The following NLRP4 variants were observed in gnomAD, a reference collection of about 807,000 sequenced individuals.
The protein encoded by NLRP4 is NACHT, LRR and PYD domains-containing protein 4.
In NLRP4, 44 loss-of-function variants were observed where a neutral mutation model predicts 84.7. That is an observed-to-expected ratio of 0.52 (90% CI 0.41 to 0.67). The LOEUF is 0.67. Ranked by LOEUF, NLRP4 falls within the 30% of genes least tolerant of loss-of-function variation. NLRP4 has a pLI of 0.00. For missense variants in NLRP4, 1,260 were observed against 1,219.4 expected (o/e 1.03, Z -0.50); for synonymous variants, 544 against 476.4 (o/e 1.14, Z -1.85).
Position 55,881,619 on chromosome 19 carries a change from C to T in NLRP4, c.*32C>T. 1 of 1,027,626 alleles carries T rather than the reference C, an allele frequency of 9.7e-7. No individual in the cohort carries two copies. Among genetic ancestry groups the T allele is most frequent in the Non-Finnish European group, 1.5e-6 (1 of 652,550 alleles). The allele number at this position is 1,027,626 out of a possible 1,614,324, so 63.7% of individuals were successfully genotyped here. ...GGAACCTGGGCTCTGACTCGAACAC[C>T]TGCAAAGGACAGGGACTGGGACCGT... is the stretch of plus-strand genomic sequence containing the variant. On this transcript the variant is annotated 3_prime_UTR_variant, in exon 10 of 10. Coordinates refer to ENST00000301295, the MANE Select transcript of NLRP4 (RefSeq NM_134444.5).
At chr19:55,865,470 G>C (rs1233931330) in intron 5 of NLRP4, among the ~76,000 whole-genome samples, 3 of 152,010 alleles carry the variant, frequency 2.0e-5, no homozygotes, top group African/African-American at 7.2e-5. Flanking sequence ...TATTCCTTTG[G>C]GTATATACCC....
intron 4 of NLRP4, among the ~76,000 whole-genome samples, 199 bp downstream of exon 4, chr19:55,861,746 G>T (rs1984765757): frequency 1.3e-5 from 2 of 152,090 alleles, no homozygotes; most frequent in Non-Finnish European, 2.9e-5. Context: ...GTGTTAAGAT[G>T]CATCCCTGGT....
chr19:55,849,850 GAGAC>G (rs1983955141), intron 1 of NLRP4, among the ~76,000 whole-genome samples: 2 of 142,998 alleles, frequency 1.4e-5, no homozygotes, highest in South Asian at 2.2e-4. Flanking sequence ...TGTAATTTCC[GAGAC>G]TGCGGTGTAA....
chr19:55,860,064 C>G (rs1229031579), intron 3 of NLRP4, among the ~76,000 whole-genome samples: 1 of 148,480 alleles, frequency 6.7e-6, no homozygotes, highest in East Asian at 2.0e-4. Context: ...TGGCTCACTG[C>G]AAGCTCCGCC....
At chr19:55,840,808 A>G (rs535272758) in intron 1 of NLRP4, among the ~76,000 whole-genome samples, 3 of 152,286 alleles carry the variant, frequency 2.0e-5, no homozygotes, top group Non-Finnish European at 2.9e-5. Flanking sequence ...TTTCTCACCA[A>G]TGTTTTGGCT....
intron 2 of NLRP4, among the ~76,000 whole-genome samples, chr19:55,853,775 C>G (rs778165641): frequency 3.3e-5 from 5 of 150,776 alleles, no homozygotes; most frequent in Non-Finnish European, 7.4e-5. Flanking sequence ...CTCTCTCTCT[C>G]TCTTTCTGTC....
In NLRP4 at chr19:55,856,072, C is replaced by T. The variant is rs148621751; in HGVS notation, c.281-1602C>T. 3.5e-4 allele frequency among the ~76,000 whole-genome samples: 53 copies of T among 152,182 alleles called. No homozygotes were observed. In the East Asian group the frequency reaches 8.9e-3, roughly 25 times the overall value. ...ACAGTGGTGCAATCTCTGCTCACTG[C>T]AACCTCCACCTCCCAGGTTCAAGCG... On this transcript the variant is annotated intron_variant, in intron 2 of 9. Transcript: ENST00000301295.
intron 2 of NLRP4, among the ~76,000 whole-genome samples, chr19:55,856,767 G>A (rs1204448020): frequency 6.6e-6 from 1 of 152,068 alleles, no homozygotes; most frequent in Non-Finnish European, 1.5e-5. Flanking sequence ...GCCCACCTTG[G>A]CCTCCCAAAG....
intron 9 of NLRP4, 121 bp from the exon 10 acceptor site, chr19:55,881,349 C>G (rs114265000): frequency 1.7e-6 from 1 of 599,710 alleles, no homozygotes; most frequent in African/African-American, 1.9e-5. Context: ...TGTCTTTCCT[C>G]TTGGAGGTAA....
intron 1 of NLRP4, among the ~76,000 whole-genome samples, chr19:55,847,211 T>G (rs1983832424): frequency 6.6e-6 from 1 of 152,226 alleles, no homozygotes; most frequent in Admixed American, 6.5e-5. Context: ...AGCTTTATTT[T>G]TATTTTCCAC....
At chr19:55,844,617 G>T (rs531501904) in intron 1 of NLRP4, among the ~76,000 whole-genome samples, 1 of 152,172 alleles carries the variant, frequency 6.6e-6, no homozygotes, top group African/African-American at 2.4e-5. Flanking sequence ...ATATTGGATC[G>T]GGGGCCCACC....
intron 4 of NLRP4, 114 bp from the exon 5 acceptor site, chr19:55,861,878 T>C: frequency 1.3e-6 from 1 of 792,452 alleles, no homozygotes; most frequent in South Asian, 1.6e-5. Flanking sequence ...AGCTGTGTCA[T>C]TGGGCTGTGA....
intron 3 of NLRP4, among the ~76,000 whole-genome samples, chr19:55,860,491 T>C (rs1984707340): frequency 6.6e-6 from 1 of 152,102 alleles, no homozygotes; most frequent in Non-Finnish European, 1.5e-5. Context: ...AGCAGGAGGA[T>C]TGCTTGCTTG....
At chr19:55,856,852 C>G (rs1023769672) in intron 2 of NLRP4, among the ~76,000 whole-genome samples, 2 of 152,248 alleles carry the variant, frequency 1.3e-5, no homozygotes, top group East Asian at 3.9e-4. Flanking sequence ...TTTGAGAATT[C>G]TGCCATTGAA....
chr19:55,874,835 G>A (rs1390271254), intron 7 of NLRP4, among the ~76,000 whole-genome samples: 2 of 152,068 alleles, frequency 1.3e-5, no homozygotes, highest in Non-Finnish European at 2.9e-5. Context: ...CAGAATTAAA[G>A]GCTAGTGTCA....
Position 55,858,899 on chromosome 19 carries a change from T to C in NLRP4, c.1506T>C (p.Phe502=). The change falls in exon 3 of 10, where the codon TTT becomes TTC. Residue 502 remains phenylalanine, a synonymous_variant. Coordinates refer to ENST00000301295, the MANE Select transcript of NLRP4 (RefSeq NM_134444.5). The surrounding 1 kb of genome is among the most constrained non-coding windows in gnomAD (Gnocchi z 4.2). The stretch of plus-strand genomic sequence containing the variant: ...CACATTGGATTTTTTTGGGGTGTTT[T>C]CTAACTGGCCTTTTAAATAAAAAGG... The part of the protein sequence containing the change: ...RRAHWIFLGC[F]LTGLLNKKEQ... 1.2e-6 allele frequency: 2 copies of C among 1,614,168 alleles called. No homozygotes were observed. The highest frequency in any genetic ancestry group is 4.5e-5 in the East Asian group (2 of 44,890).
intron 7 of NLRP4, among the ~76,000 whole-genome samples, chr19:55,872,467 G>A (rs954646356): frequency 6.6e-6 from 1 of 152,098 alleles, no homozygotes; most frequent in Non-Finnish European, 1.5e-5. Flanking sequence ...TATCTATAAA[G>A]CTATTATACT....
chr19:55,874,709 AG>A (rs1322767958), intron 7 of NLRP4, among the ~76,000 whole-genome samples: 1 of 152,194 alleles, frequency 6.6e-6, no homozygotes, highest in African/African-American at 2.4e-5. Context: ...CAGCTTTTTC[AG>A]GATCAGAAGA....
Position 55,858,400 on chromosome 19 carries a change from C to G in NLRP4, c.1007C>G (p.Ser336Cys). The stretch of plus-strand genomic sequence containing the variant: ...GTAAGAGAAAGTGAACAGCTGTTTT[C>G]CATATGCCAAATCCCGCTCCTCTGC... ...NLVRESEQLF[S>C]ICQIPLLCWI... The change falls in exon 3 of 10, where the codon TCC becomes TGC. Residue 336 changes from serine to cysteine, a missense_variant. Around this residue, in one of 3 missense-constraint regions of NLRP4, gnomAD observed 712 missense variants for 669.2 expected, o/e 1.06. Transcript: ENST00000301295. This position sits in a 1 kb window ranked among gnomAD's most constrained non-coding sequence, Gnocchi z 4.2. 1.9e-6 allele frequency: 3 copies of G among 1,614,156 alleles called. No individual in the cohort carries two copies. Among genetic ancestry groups the G allele is most frequent in the Non-Finnish European group, 2.5e-6 (3 of 1,180,042 alleles).
Sources: allele counts gnomAD v4.1 joint callset (sites outside exome capture counted in the v4.1 genomes callset), GRCh38; gene constraint gnomAD v4.1.1; regional missense constraint gnomAD v4.1.1; non-coding constraint Gnocchi (gnomAD v3.1); transcripts MANE v1.5; gene names NCBI Gene and HGNC (gene_info 2026-07-23, HGNC 2026-07-21).